The following DLGAP2 variants were observed in gnomAD, a reference collection of about 807,000 sequenced individuals.
DLGAP2 encodes the protein DLG associated protein 2.
DLGAP2 carries 26 observed loss-of-function variants against 100.3 expected under a neutral mutation model. The ratio of observed to expected loss-of-function variants is 0.26; its 90% CI spans 0.19 to 0.36. The LOEUF is 0.36. Ranked by LOEUF, DLGAP2 falls within the 10% of genes least tolerant of loss-of-function variation. DLGAP2 has a pLI of 1.00. For synonymous variants in DLGAP2, 886 were observed against 630.1 expected, an observed-to-expected ratio of 1.41 and a Z score of -6.08; for missense variants, 1,858 against 1,453.2, an observed-to-expected ratio of 1.28 and a Z score of -4.53.
At chr8:1,653,691 G>A (rs1015391914) in intron 8 of DLGAP2, among the ~76,000 whole-genome samples, 5 of 68,534 alleles carry the variant, frequency 7.3e-5, no homozygotes, top group Admixed American at 3.0e-4. Context: ...CTGCAGGGGC[G>A]GACTCCTGTA....
rs1180078126 is a variant in DLGAP2 at position 1,452,686 on chromosome 8, C to T, written c.107-48680C>T. Among the ~76,000 whole-genome samples the T allele has an allele frequency of 5.9e-5, 9 of 152,294 alleles. No homozygotes were observed. In the South Asian group the frequency reaches 6.2e-4, roughly 11 times the overall value. ...AAACATTATCAGCAAAGGCTCTGTG[C>T]GGGTTCTGCGCTGGGCAGCTGAGCT... On this transcript the variant is annotated intron_variant, in intron 3 of 14. Transcript: ENST00000637795.
chr8:745,199 C>G (rs1379755529), intron 1 of DLGAP2, among the ~76,000 whole-genome samples: 1 of 152,182 alleles, frequency 6.6e-6, no homozygotes, highest in Non-Finnish European at 1.5e-5. Flanking sequence ...AAAATAATTT[C>G]CATTTTGTAA....
At position 836,651 on chromosome 8, in the gene DLGAP2, G is replaced by T. The variant is rs547907083; in HGVS notation, c.19-71261G>T. ...GTGGGGTTGGGGTGCTCCTACTTCC[G>T]TTTCCCCGGCCTACAGGCGCTGCCC... On this transcript the variant is annotated intron_variant, in intron 1 of 14. Transcript: ENST00000637795. Among the ~76,000 whole-genome samples the T allele has an allele frequency of 4.6e-5, 7 of 152,324 alleles. No homozygotes were observed. The East Asian group carries it at 1.4e-3, about 30-fold the overall frequency.
intron 3 of DLGAP2, among the ~76,000 whole-genome samples, chr8:1,485,952 C>T (rs909250464): frequency 9.9e-5 from 15 of 152,238 alleles, no homozygotes; most frequent in African/African-American, 2.6e-4. Flanking sequence ...GCTTGAACCC[C>T]GGAGGTGGAG....
At chr8:1,565,067 A>T (rs1802343035) in intron 5 of DLGAP2, among the ~76,000 whole-genome samples, 1 of 152,228 alleles carries the variant, frequency 6.6e-6, no homozygotes, top group Non-Finnish European at 1.5e-5. Context: ...TACCACCCAG[A>T]TATATAACAT....
rs577410091 is a variant in DLGAP2 at position 1,670,929 on chromosome 8, C to T, written c.2202+1145C>T. On this transcript the variant is annotated intron_variant, in intron 10 of 14. Transcript: ENST00000637795. The stretch of plus-strand genomic sequence containing the variant: ...TTTCAGGGAGGCGTCAGGAGGGGAG[C>T]TGCAGACGGCAGCCTTGCCAGGGCA... Among the ~76,000 whole-genome samples the T allele has an allele frequency of 4.6e-5, 7 of 152,336 alleles. No homozygotes were observed. In the South Asian group the frequency reaches 1.2e-3, roughly 27 times the overall value.
intron 2 of DLGAP2, among the ~76,000 whole-genome samples, chr8:1,064,675 A>T (rs2600484): frequency 0.023 from 3,561 of 152,352 alleles, 125 homozygotes; most frequent in African/African-American, 0.081. Context: ...TTCGCTGTCA[A>T]CACGGGCTGA....
At chr8:955,133 C>T (rs891722149) in intron 2 of DLGAP2, among the ~76,000 whole-genome samples, 20 of 151,934 alleles carry the variant, frequency 1.3e-4, no homozygotes, top group African/African-American at 4.8e-4. Context: ...TGACACCAGG[C>T]GTCATCACCT....
intron 2 of DLGAP2, among the ~76,000 whole-genome samples, chr8:1,232,360 G>A (rs1468321586): frequency 6.6e-6 from 1 of 152,192 alleles, no homozygotes; most frequent in Non-Finnish European, 1.5e-5. Context: ...ACTTTTTGGG[G>A]CCAACATGAG....
At chr8:1,500,550 G>A (rs774467992) in intron 3 of DLGAP2, among the ~76,000 whole-genome samples, 1 of 152,278 alleles carries the variant, frequency 6.6e-6, no homozygotes, top group Non-Finnish European at 1.5e-5. Flanking sequence ...TCGGCACCTG[G>A]TTTCCTGGGC....
chr8:1,193,100 C>G (rs1034823714), intron 2 of DLGAP2, among the ~76,000 whole-genome samples: 23 of 152,050 alleles, frequency 1.5e-4, no homozygotes, highest in Non-Finnish European at 5.9e-5. Flanking sequence ...GCTTCCAAGT[C>G]TTTGCTATGG....
chr8:1,149,167 A>G (rs1796655477), intron 2 of DLGAP2, among the ~76,000 whole-genome samples: 1 of 151,122 alleles, frequency 6.6e-6, no homozygotes, highest in African/African-American at 2.4e-5. Context: ...TTGGTTTGAG[A>G]TGGAGCCTCG....
At chr8:1,531,241 C>CGTGTGTGTGTGTGT (rs58738870) in intron 4 of DLGAP2, among the ~76,000 whole-genome samples, 100 of 143,328 alleles carry the variant, frequency 7.0e-4, no homozygotes, top group African/African-American at 1.9e-3. Context: ...AGAGCGTGTG[C>CGTGTGTGTGTGTGT]GTGTGTGTGT....
intron 2 of DLGAP2, among the ~76,000 whole-genome samples, chr8:1,202,862 C>A (rs577568572): frequency 6.6e-6 from 1 of 152,346 alleles, no homozygotes; most frequent in African/African-American, 2.4e-5. Flanking sequence ...CTTGTCTGAG[C>A]TGTTAATCAG....
chr8:1,467,415 C>A (rs1216223114), intron 3 of DLGAP2, among the ~76,000 whole-genome samples: 1 of 151,508 alleles, frequency 6.6e-6, no homozygotes, highest in Non-Finnish European at 1.5e-5. Context: ...GGACACCTCC[C>A]AGGAGCTCCA....
chr8:1,057,198 A>G (rs1208462018), intron 2 of DLGAP2, among the ~76,000 whole-genome samples: 1 of 152,242 alleles, frequency 6.6e-6, no homozygotes, highest in Non-Finnish European at 1.5e-5. Flanking sequence ...TGAGATATGC[A>G]TCGGTTACTA....
rs112227883 is a variant in DLGAP2, at chr8:1,203,683, G to T, written c.74-55168G>T. Among the ~76,000 whole-genome samples, 1,048 of 152,306 alleles carry T rather than the reference G, an allele frequency of 6.9e-3. 9 individuals are homozygous for T. Among genetic ancestry groups the T allele is most frequent in the African/African-American group, 0.023 (965 of 41,566 alleles). ...GACGGTGCGAAGAACTGAGTTTATA[G>T]AAATCCCCTTATTCTCGCTCTATAC... On this transcript the variant is annotated intron_variant, in intron 2 of 14. Transcript: ENST00000637795.
intron 3 of DLGAP2, among the ~76,000 whole-genome samples, chr8:1,490,765 G>A (rs1799356147): frequency 6.6e-6 from 1 of 152,132 alleles, no homozygotes; most frequent in Admixed American, 6.6e-5. Context: ...TGGGGCATGA[G>A]GCCTGTGTCC....
chr8:1,116,164 C>A (rs1805110820), intron 2 of DLGAP2, among the ~76,000 whole-genome samples: 1 of 152,218 alleles, frequency 6.6e-6, no homozygotes, highest in Non-Finnish European at 1.5e-5. Context: ...ATGGGGTGCG[C>A]AGGCGTCAGC....
Sources: gnomAD v4.1 joint callset for allele counts (sites outside exome capture counted in the v4.1 genomes callset) on GRCh38, gnomAD v4.1.1 for gene constraint, MANE v1.5 for transcripts, NCBI Gene and HGNC (gene_info 2026-07-23, HGNC 2026-07-21) for gene names.